Variants in APPL1 observed in about 807,000 individuals in gnomAD.
The protein encoded by APPL1 is adaptor protein, phosphotyrosine interacting with PH domain and leucine zipper 1.
In APPL1, 42 loss-of-function variants were observed where a neutral mutation model predicts 106.8. The ratio of observed to expected loss-of-function variants is 0.39; its 90% CI spans 0.31 to 0.51. The LOEUF is 0.51. Among genes scored for constraint, APPL1 ranks in the 20% least tolerant of loss-of-function variants. The pLI is 0.75. For missense variants in APPL1, 769 were observed against 858.2 expected, an observed-to-expected ratio of 0.90 and a Z score of 1.30; for synonymous variants, 263 against 281.8, an observed-to-expected ratio of 0.93 and a Z score of 0.67.
At position 57,257,308 on chromosome 3, in the gene APPL1, A is replaced by C. The variant is rs750982071; in HGVS notation, c.1310A>C (p.Asn437Thr). 1 of 1,614,102 alleles carries C rather than the reference A, an allele frequency of 6.2e-7. No homozygotes were observed. The highest frequency in any genetic ancestry group is 1.1e-5 in the South Asian group (1 of 91,070). The change falls in exon 15 of 22, where the codon AAT (asparagine) becomes ACT (threonine). Residue 437 changes from asparagine (N) to threonine (T), a missense_variant. Physicochemically the swap from Asn to Thr is moderately conservative, Grantham distance 65. Coordinates refer to ENST00000288266, the MANE Select transcript of APPL1 (RefSeq NM_012096.3). ...SSGSLGSEST[N>T]LAALSLDSLV... Reference sequence around the variant, plus strand: ...GGATCCTTAGGATCTGAGTCTACAAATTTGGCTGCCCTCTCTCTAGATTCT... The same window carrying C: ...GGATCCTTAGGATCTGAGTCTACAACTTTGGCTGCCCTCTCTCTAGATTCT...
At chr3:57,257,192 A>T in intron 14 of APPL1, 54 bp from the exon 15 acceptor site, 2 of 1,573,300 alleles carry the variant, frequency 1.3e-6, no homozygotes, top group Non-Finnish European at 1.7e-6. Context: ...TTTGTTAAAT[A>T]TTTAATATCC....
intron 1 of APPL1, among the ~76,000 whole-genome samples, chr3:57,232,249 T>C (rs1282982867): frequency 1.3e-5 from 2 of 152,240 alleles, no homozygotes; most frequent in Non-Finnish European, 2.9e-5. Flanking sequence ...AAATGGGATC[T>C]TCTGTTTTTG....
intron 19 of APPL1, among the ~76,000 whole-genome samples, chr3:57,267,005 A>G (rs2060897927): frequency 6.8e-6 from 1 of 147,184 alleles, no homozygotes; most frequent in East Asian, 2.3e-4. Flanking sequence ...GCCTTGTAAT[A>G]TATTTTGAAG....
intron 5 of APPL1, 61 bp downstream of exon 5, chr3:57,240,613 A>G: frequency 7.1e-7 from 1 of 1,401,410 alleles, no homozygotes; most frequent in Non-Finnish European, 1.0e-6. Flanking sequence ...TGTAAAATGC[A>G]TATTACTCTG....
chr3:57,251,165 T>G (rs900108342), intron 11 of APPL1, among the ~76,000 whole-genome samples: 18 of 151,554 alleles, frequency 1.2e-4, no homozygotes, highest in African/African-American at 4.1e-4. Flanking sequence ...AGTCATTTTT[T>G]CCCCTGTATT....
Position 57,254,855 on chromosome 3 carries a change from C to T in APPL1, c.1152+1117C>T, listed in dbSNP as rs559449452. On this transcript the variant is annotated intron_variant, in intron 13 of 21. Coordinates refer to ENST00000288266, the MANE Select transcript of APPL1 (RefSeq NM_012096.3). ...GGCCAGGCTGGTCTTGAACTTCCAA[C>T]TTCAGGTGATCCACCTGCCTCGGCC... Among the ~76,000 whole-genome samples the T allele has an allele frequency of 6.6e-5, 10 of 152,292 alleles. No homozygotes were observed. The East Asian group carries it at 1.9e-3, about 29-fold the overall frequency.
intron 1 of APPL1, among the ~76,000 whole-genome samples, chr3:57,234,978 G>A (rs1393986270): frequency 2.6e-5 from 4 of 152,126 alleles, no homozygotes; most frequent in Non-Finnish European, 5.9e-5. Context: ...ATTTTTAAAT[G>A]TGCATGGTAG....
intron 7 of APPL1, among the ~76,000 whole-genome samples, chr3:57,244,182 G>A (rs2107601143): frequency 6.6e-6 from 1 of 151,468 alleles, no homozygotes; most frequent in Admixed American, 6.6e-5. Flanking sequence ...TTGAGACAGG[G>A]CCTCATTCTG....
At chr3:57,260,253 A>T (rs569565701) in intron 18 of APPL1, 100 bp downstream of exon 18, 2 of 1,297,314 alleles carry the variant, frequency 1.5e-6, no homozygotes, top group African/African-American at 1.5e-5. Flanking sequence ...CAAGTGTGAT[A>T]GTATCAGCTA....
At chr3:57,253,945 C>G (rs139152751) in intron 13 of APPL1, among the ~76,000 whole-genome samples, 1 of 151,748 alleles carries the variant, frequency 6.6e-6, no homozygotes, top group Non-Finnish European at 1.5e-5. Flanking sequence ...TCACTACAAC[C>G]TCCACCTCCC....
chr3:57,238,970 AT>A (rs1180458855), intron 4 of APPL1, among the ~76,000 whole-genome samples: 1 of 152,204 alleles, frequency 6.6e-6, no homozygotes, highest in Non-Finnish European at 1.5e-5. Context: ...GAGATGAGTA[AT>A]TTATAAAGAA....
intron 11 of APPL1, among the ~76,000 whole-genome samples, chr3:57,251,028 C>T (rs1270209749): frequency 1.4e-5 from 2 of 147,066 alleles, no homozygotes; most frequent in South Asian, 2.1e-4. Flanking sequence ...AGGATGGTCT[C>T]GATCTCCTGA....
At chr3:57,269,445 A>G in intron 21 of APPL1, 96 bp from the exon 22 acceptor site, 1 of 1,295,932 alleles carries the variant, frequency 7.7e-7, no homozygotes, top group Admixed American at 2.2e-5. Context: ...CATATTTATG[A>G]CAGAAGAAGT....
rs767288646 is a variant in APPL1, at chr3:57,273,228, T to G, written c.*3541T>G. On this transcript the variant is annotated 3_prime_UTR_variant, in exon 22 of 22. Transcript: ENST00000288266. ...TGTAATGTAAGTGAATTGATTCTTA[T>G]TTCACTGATACTATTAATCATGCAG... 6 of 152,670 alleles carry G rather than the reference T, an allele frequency of 3.9e-5. No individual in the cohort carries two copies. Among genetic ancestry groups the G allele is most frequent in the Non-Finnish European group, 5.9e-5 (4 of 68,046 alleles). The allele number at this position is 152,670 out of a possible 1,614,324, so 9.5% of individuals were successfully genotyped here.
chr3:57,246,813 A>T (rs2060776299), intron 8 of APPL1, among the ~76,000 whole-genome samples: 1 of 151,980 alleles, frequency 6.6e-6, no homozygotes, highest in South Asian at 2.1e-4. Flanking sequence ...GACTAGCCTC[A>T]GCAACGTAGG....
At chr3:57,256,600 A>G (rs2060837769) in intron 13 of APPL1, among the ~76,000 whole-genome samples, 1 of 152,236 alleles carries the variant, frequency 6.6e-6, no homozygotes, top group Non-Finnish European at 1.5e-5. Context: ...ACTGGGCTGC[A>G]TGTTAGCAAT....
In APPL1 at chr3:57,256,949, T is replaced by C; in HGVS notation, c.1153-8T>C. ...AATATTAGTCCTTTTTTAAAAAAAT[T>C]GAAATAGGAAACTGCTGCACGAGTA... On this transcript the variant is annotated splice_region_variant and splice_polypyrimidine_tract_variant and intron_variant, in intron 13 of 21. Coordinates refer to ENST00000288266, the MANE Select transcript of APPL1 (RefSeq NM_012096.3). 1 of 1,613,128 alleles carries C rather than the reference T, an allele frequency of 6.2e-7. No homozygotes were observed. Among genetic ancestry groups the C allele is most frequent in the African/African-American group, 1.3e-5 (1 of 74,952 alleles).
At position 57,260,034 on chromosome 3, in the gene APPL1, C is replaced by A. The variant is rs139463511; in HGVS notation, c.1658+15C>A. The A allele has an allele frequency of 8.1e-6, 13 of 1,609,276 alleles. No individual in the cohort carries two copies. The highest frequency in any genetic ancestry group is 9.3e-6 in the Non-Finnish European group (11 of 1,178,996). ...GACTGTTTAAAGTAAGTAAAACCCT[C>A]CCTTAAAAAACTGTAGAAAAAACAT... On this transcript the variant is annotated intron_variant, in intron 17 of 21. Coordinates refer to ENST00000288266, the MANE Select transcript of APPL1 (RefSeq NM_012096.3).
At position 57,265,436 on chromosome 3, in the gene APPL1, C is replaced by T. The variant is rs183922033; in HGVS notation, c.1843-2306C>T. On this transcript the variant is annotated intron_variant, in intron 19 of 21. Coordinates refer to ENST00000288266, the MANE Select transcript of APPL1 (RefSeq NM_012096.3). ...AAGTGCTGGGATTACAGGCCTGAGC[C>T]ACTGCGCCCAGCCTGTAGTTTTCAT... Among the ~76,000 whole-genome samples, 19 of 152,344 alleles carry T rather than the reference C, an allele frequency of 1.2e-4. No individual in the cohort carries two copies. The East Asian group carries it at 3.3e-3, about 26-fold the overall frequency.
Sources: allele counts gnomAD v4.1 joint callset (sites outside exome capture counted in the v4.1 genomes callset), GRCh38; gene constraint gnomAD v4.1.1; transcripts MANE v1.5; gene names NCBI Gene and HGNC (gene_info 2026-07-23, HGNC 2026-07-21).